CNTNAP2: variants seen among roughly 807,000 people sequenced by gnomAD.
CNTNAP2 encodes the protein contactin-associated protein-like 2.
CNTNAP2 carries 98 observed loss-of-function variants against 155.2 expected under a neutral mutation model. That is an observed-to-expected ratio of 0.63 (90% CI 0.54 to 0.75). The LOEUF is 0.75. Ranked by LOEUF, CNTNAP2 falls within the 30% of genes least tolerant of loss-of-function variation. CNTNAP2 has a pLI of 0.00. For synonymous variants in CNTNAP2, 651 were observed against 631.2 expected, an observed-to-expected ratio of 1.03 and a Z score of -0.47; for missense variants, 1,727 against 1,688.1, an observed-to-expected ratio of 1.02 and a Z score of -0.40.
intron 14 of CNTNAP2, among the ~76,000 whole-genome samples, chr7:147,911,892 G>C (rs1204344872): frequency 6.6e-6 from 1 of 152,118 alleles, no homozygotes; most frequent in Non-Finnish European, 1.5e-5. Flanking sequence ...TAGTGACTGT[G>C]AATAACGCTG....
chr7:147,990,751 C>T (rs990648962), intron 15 of CNTNAP2, among the ~76,000 whole-genome samples: 2 of 152,166 alleles, frequency 1.3e-5, no homozygotes, highest in Non-Finnish European at 2.9e-5. Context: ...GAATTCCCTA[C>T]TCTTCTGGTA....
chr7:146,423,036 G>A (rs1190365838), intron 1 of CNTNAP2, among the ~76,000 whole-genome samples: 1 of 152,058 alleles, frequency 6.6e-6, no homozygotes, highest in Admixed American at 6.6e-5. Flanking sequence ...CTTGCAAAAT[G>A]TACCTAATGC....
At chr7:146,814,715 G>A (rs1281822624) in intron 2 of CNTNAP2, among the ~76,000 whole-genome samples, 6 of 151,918 alleles carry the variant, frequency 3.9e-5, no homozygotes, top group Non-Finnish European at 7.4e-5. Flanking sequence ...ATGCTACGGG[G>A]CATGAGCTTT....
chr7:148,065,530 A>G (rs560501718), intron 15 of CNTNAP2, among the ~76,000 whole-genome samples: 62 of 152,234 alleles, frequency 4.1e-4, no homozygotes, highest in Non-Finnish European at 4.9e-4. Context: ...TCCTTTTATC[A>G]TTACATAATG....
At chr7:147,665,630 C>T (rs1191042647) in intron 13 of CNTNAP2, among the ~76,000 whole-genome samples, 1 of 151,918 alleles carries the variant, frequency 6.6e-6, no homozygotes, top group South Asian at 2.1e-4. Context: ...CTCCCATCCT[C>T]CACCCTCTGA....
intron 1 of CNTNAP2, among the ~76,000 whole-genome samples, chr7:146,607,888 T>C (rs1031922953): frequency 6.6e-6 from 1 of 152,194 alleles, no homozygotes; most frequent in Admixed American, 6.5e-5. Context: ...AATTTACATA[T>C]TCTCTTAATA....
At chr7:148,175,719 C>G (rs1455054870) in intron 18 of CNTNAP2, among the ~76,000 whole-genome samples, 1 of 151,992 alleles carries the variant, frequency 6.6e-6, no homozygotes, top group Non-Finnish European at 1.5e-5. Flanking sequence ...ATAAAATAGC[C>G]CAGGGGGACA....
chr7:146,452,305 G>T (rs1325504496), intron 1 of CNTNAP2, among the ~76,000 whole-genome samples: 1 of 151,668 alleles, frequency 6.6e-6, no homozygotes, highest in Non-Finnish European at 1.5e-5. Flanking sequence ...TCCATTAGTT[G>T]GGTTTAAAAA....
intron 13 of CNTNAP2, among the ~76,000 whole-genome samples, chr7:147,681,120 G>GAGA (rs1795942850): frequency 6.6e-6 from 1 of 151,980 alleles, no homozygotes; most frequent in Non-Finnish European, 1.5e-5. Flanking sequence ...TCATGTGTAT[G>GAGA]AGATCATAGA....
intron 1 of CNTNAP2, among the ~76,000 whole-genome samples, chr7:146,173,110 A>C (rs1798418196): frequency 6.6e-6 from 1 of 152,218 alleles, no homozygotes; most frequent in Non-Finnish European, 1.5e-5. Flanking sequence ...CAGAACAAGT[A>C]GAAGTAAATC....
At chr7:146,384,897 C>T (rs909559473) in intron 1 of CNTNAP2, among the ~76,000 whole-genome samples, 1 of 152,140 alleles carries the variant, frequency 6.6e-6, no homozygotes, top group Non-Finnish European at 1.5e-5. Flanking sequence ...CCTGATTGAG[C>T]ATAATAATAA....
intron 15 of CNTNAP2, among the ~76,000 whole-genome samples, chr7:147,998,103 C>CTTTT (rs71188938): frequency 9.2e-5 from 7 of 75,804 alleles, no homozygotes; most frequent in African/African-American, 1.1e-4. Flanking sequence ...TTTCTTTTTT[C>CTTTT]TTTTTTTTTT....
intron 8 of CNTNAP2, among the ~76,000 whole-genome samples, chr7:147,170,942 C>T (rs1236230128): frequency 2.0e-5 from 3 of 152,152 alleles, no homozygotes; most frequent in African/African-American, 7.2e-5. Flanking sequence ...GGGGCCAGGG[C>T]CTCTCAGAGG....
At chr7:146,819,662 G>A (rs1039433059) in intron 2 of CNTNAP2, among the ~76,000 whole-genome samples, 4 of 151,936 alleles carry the variant, frequency 2.6e-5, no homozygotes, top group African/African-American at 4.8e-5. Flanking sequence ...CTTTAAAACC[G>A]ATATGGGAAC....
At chr7:148,240,918 G>A (rs775872746) in intron 20 of CNTNAP2, among the ~76,000 whole-genome samples, 17 of 152,156 alleles carry the variant, frequency 1.1e-4, no homozygotes, top group Non-Finnish European at 1.8e-4. Context: ...TCCCCTACCT[G>A]CTTTTATCCT....
intron 15 of CNTNAP2, among the ~76,000 whole-genome samples, chr7:148,031,023 T>C (rs12540049): frequency 0.041 from 6,221 of 152,152 alleles, 286 homozygotes; most frequent in East Asian, 0.27. Flanking sequence ...CTAGACTCCA[T>C]TGGCACAAAA....
chr7:148,328,328 A>T (rs1375774934), intron 21 of CNTNAP2, among the ~76,000 whole-genome samples: 1 of 152,002 alleles, frequency 6.6e-6, no homozygotes, highest in African/African-American at 2.4e-5. Context: ...TGGTGAGGGG[A>T]TTATATTTGG....
At chr7:147,430,102 G>A (rs1163274641) in intron 10 of CNTNAP2, among the ~76,000 whole-genome samples, 5 of 152,074 alleles carry the variant, frequency 3.3e-5, no homozygotes, top group Non-Finnish European at 5.9e-5. Context: ...TATGCTAGAT[G>A]TCAAAGCAGG....
chr7:147,148,569 G>A (rs1021259607), intron 8 of CNTNAP2, among the ~76,000 whole-genome samples: 10 of 152,156 alleles, frequency 6.6e-5, no homozygotes, highest in East Asian at 3.9e-4. Context: ...ATGAAGCTGC[G>A]GACCCTCACA....
Sources: gnomAD v4.1 joint callset for allele counts (sites outside exome capture counted in the v4.1 genomes callset) on GRCh38, gnomAD v4.1.1 for gene constraint, MANE v1.5 for transcripts, NCBI Gene and HGNC (gene_info 2026-07-23, HGNC 2026-07-21) for gene names.